The following SIK2 variants were observed in gnomAD, a reference collection of about 807,000 sequenced individuals.
SIK2 encodes serine/threonine-protein kinase SIK2.
Under a neutral mutation model 103.2 loss-of-function variants are expected in SIK2, and 29 were observed. That is an observed-to-expected ratio of 0.28 (90% CI 0.21 to 0.38). The LOEUF is 0.38. SIK2 is among the 10% of genes least tolerant of loss of function. SIK2 has a pLI of 1.00. For synonymous variants in SIK2, 412 were observed against 446.1 expected (o/e 0.92, Z 0.96); for missense variants, 879 against 1,171.0 (o/e 0.75, Z 3.64).
intron 8 of SIK2, among the ~76,000 whole-genome samples, chr11:111,711,397 A>G (rs1164936909): frequency 1.3e-5 from 2 of 152,210 alleles, no homozygotes; most frequent in Non-Finnish European, 2.9e-5. Flanking sequence ...CTGGGATTAC[A>G]GGCATGAGCC....
In SIK2 at chr11:111,712,356, A is replaced by T. The variant is rs1419328270; in HGVS notation, c.1247A>T (p.Glu416Val). The change falls in exon 9 of 15, where the codon GAG (glutamate) becomes GTG (valine). Residue 416 changes from glutamate to valine, a missense_variant. Glu to Val is a moderately radical substitution (Grantham distance 121). This residue lies in a region of SIK2 where 222 missense variants were observed against 258.0 expected (regional missense o/e 0.86). Transcript: ENST00000304987. ...GCGGAAGCTGCATTCATGGAAGAAGAGTGTGTGGACACTCCAAAGGTACGG... is the reference window on the plus strand; with the variant it reads ...GCGGAAGCTGCATTCATGGAAGAAGTGTGTGTGGACACTCCAAAGGTACGG... ...CQAEAAFMEE[E>V]CVDTPKVNGC... is the part of the protein sequence containing the mutation. The T allele has an allele frequency of 1.2e-6, 2 of 1,614,148 alleles. No individual in the cohort carries two copies. Among genetic ancestry groups the T allele is most frequent in the Admixed American group, 1.7e-5 (1 of 60,024 alleles).
At chr11:111,656,023 CAAAA>C (rs11337076) in intron 3 of SIK2, among the ~76,000 whole-genome samples, 4 of 121,914 alleles carry the variant, frequency 3.3e-5, no homozygotes, top group Non-Finnish European at 1.7e-5. Flanking sequence ...ACTAAAAATG[CAAAA>C]AAAAAAAAAA....
intron 3 of SIK2, among the ~76,000 whole-genome samples, chr11:111,668,177 G>GGGT (rs72041846): frequency 7.7e-6 from 1 of 129,858 alleles, no homozygotes; most frequent in Non-Finnish European, 1.6e-5. Flanking sequence ...ACTAAAGTAA[G>GGGT]GAGTGTGTGT....
chr11:111,669,562 C>G (rs868145215), intron 3 of SIK2, among the ~76,000 whole-genome samples: 3 of 151,466 alleles, frequency 2.0e-5, no homozygotes, highest in South Asian at 2.1e-4. Flanking sequence ...GAGACACCCC[C>G]CCTCCCGCCC....
In SIK2 at chr11:111,602,508, C is replaced by A. The variant is rs1941595881; in HGVS notation, c.-56C>A. The A allele has an allele frequency of 1.1e-5, 16 of 1,415,682 alleles. No homozygotes were observed. The highest frequency in any genetic ancestry group is 1.5e-5 in the Non-Finnish European group (16 of 1,086,880). The allele number at this position is 1,415,682 out of a possible 1,614,324, so 87.7% of individuals were successfully genotyped here. ...CCGTCGCCCAAGCCAAGCCGCGCTG[C>A]CAACCCTCCCGCCCGCCCGCGCTCC... On this transcript the variant is annotated 5_prime_UTR_variant, in exon 1 of 15. Coordinates refer to ENST00000304987, the MANE Select transcript of SIK2 (RefSeq NM_015191.3). The surrounding 1 kb of genome is among the most constrained non-coding windows in gnomAD (Gnocchi z 4.5).
chr11:111,640,561 C>T (rs931403000), intron 3 of SIK2, among the ~76,000 whole-genome samples: 1 of 151,850 alleles, frequency 6.6e-6, no homozygotes, highest in Admixed American at 6.6e-5. Context: ...TTATTTGGCC[C>T]TTCATTCAAG....
chr11:111,708,252 C>A (rs908024081), intron 8 of SIK2, among the ~76,000 whole-genome samples: 1 of 152,130 alleles, frequency 6.6e-6, no homozygotes, highest in South Asian at 2.1e-4. Context: ...TATGGTAGTG[C>A]GTGCTTATAA....
intron 8 of SIK2, among the ~76,000 whole-genome samples, chr11:111,706,852 T>G (rs1943361912): frequency 6.7e-6 from 1 of 148,798 alleles, no homozygotes; most frequent in South Asian, 2.1e-4. Context: ...CCCAGCTACT[T>G]GGGAGGCTGA....
rs1944055481 is a variant in SIK2, at chr11:111,728,565, AG to A, written c.*4438del. 1 of 152,064 alleles carries A rather than the reference AG, an allele frequency of 6.6e-6. No individual in the cohort carries two copies. Among genetic ancestry groups the A allele is most frequent in the African/African-American group, 2.4e-5 (1 of 41,406 alleles). 9.4% of individuals were successfully genotyped at this position (152,064 alleles called of 1,614,324 possible). On this transcript the variant is annotated 3_prime_UTR_variant, in exon 15 of 15. Transcript: ENST00000304987. ...TGGCCTCCCAAAGTACTGGGATTAC[AG>A]GTGTGAGCCACCACACCCGACCTGG...
chr11:111,723,958 T>C lies in SIK2; in HGVS notation c.2610T>C (p.Asp870=), dbSNP rs746271291. ...DYPTPCQYPV[D]GAQQSDLTGP... ...CCACTCCCTGTCAGTATCCTGTGGA[T>C]GGAGCCCAGCAGAGCGACCTAACGG... The change falls in exon 15 of 15, where the codon GAT becomes GAC. Residue 870 remains aspartate (D), a synonymous_variant. Transcript: ENST00000304987. 5.0e-6 allele frequency: 8 copies of C among 1,614,026 alleles called. No homozygotes were observed. The highest frequency in any genetic ancestry group is 6.8e-6 in the Non-Finnish European group (8 of 1,180,016).
At chr11:111,653,654 C>T (rs867831752) in intron 3 of SIK2, among the ~76,000 whole-genome samples, 4 of 152,202 alleles carry the variant, frequency 2.6e-5, no homozygotes, top group Admixed American at 6.5e-5. Flanking sequence ...AAGAAGCTTT[C>T]TAAGGACATT....
chr11:111,668,351 C>G (rs1049045796), intron 3 of SIK2, among the ~76,000 whole-genome samples: 1 of 152,190 alleles, frequency 6.6e-6, no homozygotes, highest in African/African-American at 2.4e-5. Context: ...AACCATTCCT[C>G]TTTTGATAGA....
At chr11:111,619,786 A>G (rs1239524361) in intron 2 of SIK2, among the ~76,000 whole-genome samples, 3 of 152,236 alleles carry the variant, frequency 2.0e-5, no homozygotes, top group African/African-American at 7.2e-5. Flanking sequence ...AAACTTTTAA[A>G]CAATTAGAGT....
At chr11:111,666,408 A>G (rs1942542708) in intron 3 of SIK2, among the ~76,000 whole-genome samples, 1 of 152,186 alleles carries the variant, frequency 6.6e-6, no homozygotes, top group African/African-American at 2.4e-5. Context: ...GTTTTCTGGT[A>G]AGTGCTTATA....
In SIK2 at chr11:111,641,363, T is replaced by C. The variant is rs1215059929; in HGVS notation, c.316+20961T>C. 2.0e-5 allele frequency among the ~76,000 whole-genome samples: 3 copies of C among 152,182 alleles called. No homozygotes were observed. The East Asian group carries it at 5.8e-4, about 29-fold the overall frequency. On this transcript the variant is annotated intron_variant, in intron 3 of 14. Coordinates refer to ENST00000304987, the MANE Select transcript of SIK2 (RefSeq NM_015191.3). Reference sequence around the variant, plus strand: ...TTACAAACTGGGCACATTACCTTCTTCTCCTCCTAAATAAGCTCTTCCCAT... The same window carrying C: ...TTACAAACTGGGCACATTACCTTCTCCTCCTCCTAAATAAGCTCTTCCCAT...
Position 111,727,304 on chromosome 11 carries a change from C to T in SIK2, c.*3175C>T, listed in dbSNP as rs1033796429. The stretch of plus-strand genomic sequence containing the variant: ...GCTGTTCATGCCCATCTGAGCAAAC[C>T]CCTTCTCTCTTCCATCCACTTTTGC... On this transcript the variant is annotated 3_prime_UTR_variant, in exon 15 of 15. Coordinates refer to ENST00000304987, the MANE Select transcript of SIK2 (RefSeq NM_015191.3). 1 of 525,102 alleles carries T rather than the reference C, an allele frequency of 1.9e-6. No individual in the cohort carries two copies. The highest frequency in any genetic ancestry group is 1.9e-5 in the African/African-American group (1 of 53,084). The allele number at this position is 525,102 out of a possible 1,614,324, so 32.5% of individuals were successfully genotyped here.
At chr11:111,704,123 C>T (rs1008083104) in intron 7 of SIK2, among the ~76,000 whole-genome samples, 2 of 152,214 alleles carry the variant, frequency 1.3e-5, no homozygotes, top group African/African-American at 4.8e-5. Context: ...GCCTTTCCCC[C>T]GCCACGTAGC....
intron 4 of SIK2, among the ~76,000 whole-genome samples, chr11:111,693,980 C>T (rs958410158): frequency 6.6e-6 from 1 of 152,154 alleles, no homozygotes; most frequent in African/African-American, 2.4e-5. Flanking sequence ...GTTTCCTTAT[C>T]TGTAAAGGGA....
intron 3 of SIK2, among the ~76,000 whole-genome samples, chr11:111,657,596 C>T (rs1419437649): frequency 6.6e-6 from 1 of 151,986 alleles, no homozygotes; most frequent in Non-Finnish European, 1.5e-5. Context: ...ATTATGTTGC[C>T]CAGGCTGGCC....
Sources: gnomAD v4.1 joint callset for allele counts (sites outside exome capture counted in the v4.1 genomes callset) on GRCh38, gnomAD v4.1.1 for gene constraint, gnomAD v4.1.1 regional missense constraint, Gnocchi (gnomAD v3.1) non-coding constraint, MANE v1.5 for transcripts, NCBI Gene and HGNC (gene_info 2026-07-23, HGNC 2026-07-21) for gene names.